Variants in RALGPS2 observed in about 807,000 individuals in gnomAD.
RALGPS2 encodes Ral GEF with PH domain and SH3 binding motif 2, also known as ras-specific guanine nucleotide-releasing factor RalGPS2.
Under a neutral mutation model 86.8 loss-of-function variants are expected in RALGPS2, and 43 were observed. The ratio of observed to expected loss-of-function variants is 0.50; its 90% CI spans 0.39 to 0.64. RALGPS2 has a LOEUF of 0.64. Ranked by LOEUF, RALGPS2 falls within the 30% of genes least tolerant of loss-of-function variation. RALGPS2 has a pLI of 0.00. For synonymous variants in RALGPS2, 243 were observed against 231.3 expected (o/e 1.05, Z -0.46); for missense variants, 536 against 694.6 (o/e 0.77, Z 2.57).
chr1:178,780,097 C>T (rs1220606904), intron 2 of RALGPS2, among the ~76,000 whole-genome samples: 1 of 152,132 alleles, frequency 6.6e-6, no homozygotes, highest in East Asian at 1.9e-4. Flanking sequence ...AATCTGCTAG[C>T]AAGACAGAAG....
At chr1:178,820,183 T>C (rs1407466090) in intron 6 of RALGPS2, among the ~76,000 whole-genome samples, 6 of 152,208 alleles carry the variant, frequency 3.9e-5, no homozygotes, top group Admixed American at 3.9e-4. Context: ...TCCCACCTAG[T>C]GAACCTGAGA....
chr1:178,817,100 C>T (rs1655267864), intron 6 of RALGPS2, among the ~76,000 whole-genome samples: 1 of 151,672 alleles, frequency 6.6e-6, no homozygotes, highest in Non-Finnish European at 1.5e-5. Context: ...TGGCTCACAC[C>T]TATAATCCTA....
chr1:178,737,323 TGCAACCTC>T, intron 1 of RALGPS2, among the ~76,000 whole-genome samples: 1 of 152,344 alleles, frequency 6.6e-6, no homozygotes, highest in Non-Finnish European at 1.5e-5. Flanking sequence ...CTTGGCTCAC[TGCAACCTC>T]TGCCTCCCAG....
At chr1:178,784,895 G>T (rs1417832811) in intron 3 of RALGPS2, among the ~76,000 whole-genome samples, 1 of 151,552 alleles carries the variant, frequency 6.6e-6, no homozygotes, top group Non-Finnish European at 1.5e-5. Flanking sequence ...GAAATATGAA[G>T]GTGTTATTAG....
intron 1 of RALGPS2, among the ~76,000 whole-genome samples, chr1:178,759,222 T>G (rs1652108240): frequency 6.6e-6 from 1 of 152,190 alleles, no homozygotes; most frequent in Non-Finnish European, 1.5e-5. Flanking sequence ...TTTAAGTCTG[T>G]AATCCATTTT....
chr1:178,789,016 C>G (rs1219609012), intron 4 of RALGPS2, among the ~76,000 whole-genome samples: 2 of 151,852 alleles, frequency 1.3e-5, no homozygotes, highest in African/African-American at 2.4e-5. Flanking sequence ...AAGTGATTAT[C>G]CTACCTCAGC....
At chr1:178,857,615 T>C (rs1359649885) in intron 8 of RALGPS2, among the ~76,000 whole-genome samples, 2 of 152,310 alleles carry the variant, frequency 1.3e-5, no homozygotes, top group East Asian at 1.9e-4. Context: ...GAAAGTAGTT[T>C]TGTTACAACA....
intron 5 of RALGPS2, among the ~76,000 whole-genome samples, chr1:178,810,246 G>T (rs1320180778): frequency 6.6e-6 from 1 of 151,976 alleles, no homozygotes; most frequent in African/African-American, 2.4e-5. Flanking sequence ...AATTAGCTGG[G>T]CATGGCAGCT....
At chr1:178,905,747 A>G (rs971310102) in intron 18 of RALGPS2, among the ~76,000 whole-genome samples, 2 of 152,184 alleles carry the variant, frequency 1.3e-5, no homozygotes, top group African/African-American at 4.8e-5. Context: ...TCTTTTCTCA[A>G]TTTGTTTTCT....
At chr1:178,894,116 C>A in intron 16 of RALGPS2, 92 bp downstream of exon 16, 1 of 742,644 alleles carries the variant, frequency 1.3e-6, no homozygotes, top group Non-Finnish European at 2.1e-6. Context: ...TAAAATAAAA[C>A]CTGATTATAG....
At position 178,811,386 on chromosome 1, in the gene RALGPS2, C is replaced by T. The variant is rs373459921; in HGVS notation, c.369C>T (p.His123=). The stretch of plus-strand genomic sequence containing the variant: ...AAATTAGAGCAGAAGTTTTGAGCCA[C>T]TATATTAAAACTGCTAAGGTAAGAA... The part of the protein sequence containing the change: ...TLKIRAEVLS[H]YIKTAKKLYE... Residue 123 remains histidine, a synonymous_variant, in exon 6 of 20, where the codon CAC becomes CAT. Coordinates refer to ENST00000367635, the MANE Select transcript of RALGPS2 (RefSeq NM_152663.5). The T allele has an allele frequency of 9.0e-5, 139 of 1,547,946 alleles. No individual in the cohort carries two copies. Among genetic ancestry groups the T allele is most frequent in the Non-Finnish European group, 1.2e-4 (134 of 1,157,076 alleles).
At chr1:178,866,818 C>T (rs958672181) in intron 8 of RALGPS2, among the ~76,000 whole-genome samples, 1 of 152,248 alleles carries the variant, frequency 6.6e-6, no homozygotes, top group Non-Finnish European at 1.5e-5. Context: ...TAGAATGTTT[C>T]GTTTTTGCTG....
intron 1 of RALGPS2, among the ~76,000 whole-genome samples, chr1:178,730,356 T>C (rs1322919022): frequency 6.6e-6 from 1 of 152,248 alleles, no homozygotes; most frequent in African/African-American, 2.4e-5. Flanking sequence ...CTTTCCCATG[T>C]CTTCCCAATA....
chr1:178,820,388 G>T (rs865799831), intron 6 of RALGPS2, among the ~76,000 whole-genome samples: 2 of 152,080 alleles, frequency 1.3e-5, no homozygotes, highest in African/African-American at 2.4e-5. Context: ...TGTAAAAATG[G>T]CCCTTTCTGG....
At chr1:178,910,200 T>C (rs1246225814) in intron 19 of RALGPS2, among the ~76,000 whole-genome samples, 1 of 152,184 alleles carries the variant, frequency 6.6e-6, no homozygotes, top group African/African-American at 2.4e-5. Flanking sequence ...CATCATATAG[T>C]CTGAAGAGAG....
chr1:178,870,264 T>C (rs1158919475), intron 8 of RALGPS2, among the ~76,000 whole-genome samples: 2 of 152,174 alleles, frequency 1.3e-5, no homozygotes, highest in Non-Finnish European at 2.9e-5. Flanking sequence ...TATTTTTGTA[T>C]CTTAGCTTTG....
At chr1:178,816,645 T>C (rs12078674) in intron 6 of RALGPS2, among the ~76,000 whole-genome samples, 71,052 of 151,624 alleles carry the variant, frequency 0.47, 18,061 homozygotes, top group African/African-American at 0.66. Context: ...AAATCTTTTC[T>C]TAATCCAGGG....
intron 6 of RALGPS2, among the ~76,000 whole-genome samples, chr1:178,821,039 G>A (rs1322890969): frequency 6.6e-6 from 1 of 152,172 alleles, no homozygotes; most frequent in Non-Finnish European, 1.5e-5. Flanking sequence ...ACTAGTGTTA[G>A]GTAGGAGTTT....
At chr1:178,797,613 T>G (rs977613783) in intron 4 of RALGPS2, among the ~76,000 whole-genome samples, 1 of 152,178 alleles carries the variant, frequency 6.6e-6, no homozygotes, top group Non-Finnish European at 1.5e-5. Flanking sequence ...AAAAGTCCCA[T>G]TTACTTACTC....
Sources: gnomAD v4.1 joint callset for allele counts (sites outside exome capture counted in the v4.1 genomes callset) on GRCh38, gnomAD v4.1.1 for gene constraint, MANE v1.5 for transcripts, NCBI Gene and HGNC (gene_info 2026-07-23, HGNC 2026-07-21) for gene names.